Variants in ANK2 observed in about 807,000 individuals in gnomAD.
ANK2 encodes the protein ankyrin 2, also known as ankyrin-2.
Under a neutral mutation model 360.5 loss-of-function variants are expected in ANK2, and 83 were observed. That is an observed-to-expected ratio of 0.23 (90% CI 0.19 to 0.28). ANK2 has a LOEUF of 0.28. ANK2 is among the 10% of genes least tolerant of loss of function. The pLI is 1.00. For missense variants in ANK2, 4,201 were observed against 4,795.7 expected, an observed-to-expected ratio of 0.88 and a Z score of 3.66; for synonymous variants, 1,740 against 1,759.5, an observed-to-expected ratio of 0.99 and a Z score of 0.28.
intron 2 of ANK2, among the ~76,000 whole-genome samples, chr4:112,998,781 C>G (rs2049560008): frequency 1.3e-5 from 2 of 152,144 alleles, no homozygotes; most frequent in African/African-American, 4.8e-5. Flanking sequence ...GCATATAGTA[C>G]ACAGCATTGC....
intron 1 of ANK2, among the ~76,000 whole-genome samples, chr4:112,832,106 C>T (rs919064473): frequency 6.6e-6 from 1 of 152,236 alleles, no homozygotes; most frequent in East Asian, 1.9e-4. Context: ...GGCTGGAGCG[C>T]AGTGCTACAA....
At chr4:112,733,041 AC>A in the ANK2 span, among the ~76,000 whole-genome samples, 1 of 151,946 alleles carries the variant, frequency 6.6e-6, no homozygotes, top group Non-Finnish European at 1.5e-5. Context: ...AGATGGTGAA[AC>A]CCCGTCTACT....
intron 2 of ANK2, among the ~76,000 whole-genome samples, chr4:112,992,148 C>CAT (rs1476099735): frequency 1.4e-5 from 2 of 143,878 alleles, no homozygotes; most frequent in Admixed American, 7.0e-5. Context: ...TCTACTTCTA[C>CAT]TTTTTTTTTT....
Position 112,886,815 on chromosome 4 carries a change from A to C in ANK2, c.-39-17640A>C, listed in dbSNP as rs538412865. On this transcript the variant is annotated intron_variant, in intron 1 of 30. Coordinates refer to the ANK2 transcript ENST00000503271. ...TTTAAAGGAAGACCACATAGTCCAGAATCTCTACCATGTTCACCATATGAT... is the reference window on the plus strand; with the variant it reads ...TTTAAAGGAAGACCACATAGTCCAGCATCTCTACCATGTTCACCATATGAT... Among the ~76,000 whole-genome samples, 110 of 152,318 alleles carry C rather than the reference A, an allele frequency of 7.2e-4. 1 individual carries two copies. The highest frequency in any genetic ancestry group is 2.5e-3 in the African/African-American group (105 of 41,574).
chr4:113,311,985 G>C (rs2080224451), intron 24 of ANK2, among the ~76,000 whole-genome samples: 1 of 152,168 alleles, frequency 6.6e-6, no homozygotes, highest in South Asian at 2.1e-4. Flanking sequence ...GCAAATCTGG[G>C]AGGTTTATAT....
At chr4:113,204,386 A>G (rs17045750) in intron 4 of ANK2, among the ~76,000 whole-genome samples, 7,369 of 152,226 alleles carry the variant, frequency 0.048, 221 homozygotes, top group African/African-American at 0.079. Context: ...TGACTTTTTT[A>G]TAGAAGAAGG....
intron 2 of ANK2, among the ~76,000 whole-genome samples, chr4:112,945,981 T>TA (rs1168128101): frequency 6.6e-6 from 1 of 152,146 alleles, no homozygotes; most frequent in East Asian, 1.9e-4. Context: ...GGGAGAGAGT[T>TA]AGTGTAGCTG....
At chr4:112,987,829 G>A (rs1349620893) in intron 2 of ANK2, among the ~76,000 whole-genome samples, 4 of 151,966 alleles carry the variant, frequency 2.6e-5, no homozygotes, top group Admixed American at 1.3e-4. Flanking sequence ...TAACATATAT[G>A]TCTATTGCCT....
intron 9 of ANK2, among the ~76,000 whole-genome samples, chr4:113,246,385 G>T (rs577876421): frequency 5.9e-5 from 9 of 152,004 alleles, no homozygotes; most frequent in Non-Finnish European, 8.8e-5. Context: ...CATCTTGTTG[G>T]CATTCTCATC....
chr4:113,335,790 G>A, intron 29 of ANK2, 56 bp from the exon 30 acceptor site: 1 of 1,534,822 alleles, frequency 6.5e-7, no homozygotes, highest in South Asian at 1.1e-5. Flanking sequence ...TGGCTAGAAT[G>A]CTGTTAGAAG....
Position 113,336,009 on chromosome 4 carries a change from C to T in ANK2, c.3543C>T (p.Ala1181=), listed in dbSNP as rs76685232. 1,320 of 1,614,100 alleles carry T rather than the reference C, an allele frequency of 8.2e-4. 11 individuals carry two copies. In the African/African-American group the frequency reaches 8.3e-3, roughly 10 times the overall value. Residue 1181 remains alanine, a synonymous_variant, in exon 30 of 46, where the codon GCC becomes GCT. Transcript: ENST00000357077. The part of the protein sequence containing the change: ...LSSTVVPQVQ[A]VFPEGALTKR... The stretch of plus-strand genomic sequence containing the variant: ...GCACAGTGGTGCCCCAGGTGCAGGC[C>T]GTCTTCCCAGAGGGGGCACTCACCA...
chr4:113,137,385 C>G (rs1375826345), intron 1 of ANK2, among the ~76,000 whole-genome samples: 2 of 152,136 alleles, frequency 1.3e-5, no homozygotes, highest in Admixed American at 1.3e-4. Flanking sequence ...TCAAACACTT[C>G]AAGATTGTCA....
chr4:112,791,743 G>A, the ANK2 span, among the ~76,000 whole-genome samples: 1 of 151,624 alleles, frequency 6.6e-6, no homozygotes, highest in Non-Finnish European at 1.5e-5. Context: ...CGCCCACCTC[G>A]GCCTCCCAAA....
At chr4:112,751,605 C>A in the ANK2 span, among the ~76,000 whole-genome samples, 39 of 146,024 alleles carry the variant, frequency 2.7e-4, no homozygotes, top group African/African-American at 9.8e-4. Flanking sequence ...GATTAAGTAG[C>A]AGGGGGGAAG....
chr4:112,964,871 G>GTACC (rs1308037547), intron 2 of ANK2, among the ~76,000 whole-genome samples: 1 of 152,096 alleles, frequency 6.6e-6, no homozygotes, highest in African/African-American at 2.4e-5. Flanking sequence ...GCCCGGCCAT[G>GTACC]TACCACATTT....
chr4:113,242,014 C>A, intron 8 of ANK2, 97 bp from the exon 9 acceptor site: 1 of 933,084 alleles, frequency 1.1e-6, no homozygotes, highest in Non-Finnish European at 1.8e-6. Flanking sequence ...CAAATTACCA[C>A]GTAGGTCACA....
intron 1 of ANK2, among the ~76,000 whole-genome samples, chr4:112,821,499 A>ATTTTTTTTTTTTTTTTTTTTTTTTT (rs952095787): frequency 6.9e-6 from 1 of 144,430 alleles, no homozygotes; most frequent in South Asian, 2.2e-4. Flanking sequence ...GACTACCCTA[A>ATTTTTTTTTTTTTTTTTTTTTTTTT]TTTTTTTTTT....
At chr4:113,037,575 C>G (rs947213399) in intron 2 of ANK2, among the ~76,000 whole-genome samples, 1 of 151,924 alleles carries the variant, frequency 6.6e-6, no homozygotes, top group Non-Finnish European at 1.5e-5. Context: ...ATTGACCATA[C>G]TTTGGTTCCT....
intron 4 of ANK2, among the ~76,000 whole-genome samples, chr4:113,202,735 A>G (rs968361475): frequency 1.3e-5 from 2 of 152,242 alleles, no homozygotes; most frequent in African/African-American, 4.8e-5. Context: ...TTTTGCATAT[A>G]AAGTATGAGA....
Sources: allele counts gnomAD v4.1 joint callset (sites outside exome capture counted in the v4.1 genomes callset), GRCh38; gene constraint gnomAD v4.1.1; transcripts MANE v1.5; gene names NCBI Gene and HGNC (gene_info 2026-07-23, HGNC 2026-07-21).